The following TENM4 variants were observed in gnomAD, a reference collection of about 807,000 sequenced individuals.
The protein encoded by TENM4 is teneurin-4.
A neutral mutation model predicts 243.3 loss-of-function variants in TENM4; 82 were observed. That is an observed-to-expected ratio of 0.34 (90% CI 0.28 to 0.40). The LOEUF (loss-of-function observed/expected upper bound fraction) is 0.40. Among genes scored for constraint, TENM4 ranks in the 10% least tolerant of loss-of-function variants. The probability of loss-of-function intolerance (pLI) is 1.00; values close to 1 mark genes in which losing one functional copy is unlikely to be tolerated. For missense variants in TENM4, 3,138 were observed against 3,673.3 expected (o/e 0.85, Z 3.77); for synonymous variants, 1,412 against 1,456.3 (o/e 0.97, Z 0.69).
At chr11:79,238,516 C>T (rs1462882761) in intron 2 of TENM4, among the ~76,000 whole-genome samples, 1 of 152,164 alleles carries the variant, frequency 6.6e-6, no homozygotes, top group Non-Finnish European at 1.5e-5. Flanking sequence ...TTGACTCAAA[C>T]TGGGACATAT....
intron 4 of TENM4, among the ~76,000 whole-genome samples, chr11:79,088,106 G>T (rs1022928611): frequency 2.0e-4 from 31 of 152,232 alleles, no homozygotes; most frequent in African/African-American, 7.0e-4. Flanking sequence ...AAGACACTCT[G>T]CCTGTCACTC....
chr11:79,017,872 C>A (rs1046072589), intron 6 of TENM4, among the ~76,000 whole-genome samples: 1 of 152,188 alleles, frequency 6.6e-6, no homozygotes, highest in Non-Finnish European at 1.5e-5. Flanking sequence ...TAATGCTCTA[C>A]TGTCACTGTC....
rs375148621 is a variant in TENM4 at position 78,658,324 on chromosome 11, T to C, written c.8044A>G (p.Thr2682Ala). ...ALCLNTRYGT[T>A]LDEEKARVLE... is the part of the protein sequence containing the mutation. Reference sequence around the variant, plus strand: ...ACCCGTGCCTTCTCCTCATCCAACGTTGTCCCGTAGCGTGTGTTCAAGCAC... The same window carrying C: ...ACCCGTGCCTTCTCCTCATCCAACGCTGTCCCGTAGCGTGTGTTCAAGCAC... The change falls in exon 34 of 34, where the codon ACG (threonine) becomes GCG (alanine). Residue 2682 changes from threonine (T) to alanine (A), a missense_variant. Around this residue, in one of 2 missense-constraint regions of TENM4, gnomAD observed 2,467 missense variants for 3,059.1 expected, o/e 0.81. Coordinates refer to ENST00000278550, the MANE Select transcript of TENM4 (RefSeq NM_001098816.3). 1.1e-5 allele frequency: 18 copies of C among 1,613,444 alleles called. No individual in the cohort carries two copies. The highest frequency in any genetic ancestry group is 1.4e-5 in the Non-Finnish European group (16 of 1,179,626).
intron 1 of TENM4, among the ~76,000 whole-genome samples, chr11:79,423,126 A>G (rs1858970846): frequency 2.6e-5 from 4 of 152,284 alleles, no homozygotes; most frequent in Non-Finnish European, 2.9e-5. Flanking sequence ...TGTCATCCAG[A>G]AAGACTATGC....
intron 3 of TENM4, among the ~76,000 whole-genome samples, chr11:79,200,692 A>G (rs1423620762): frequency 6.6e-6 from 1 of 152,228 alleles, no homozygotes; most frequent in African/African-American, 2.4e-5. Flanking sequence ...TTCTAGGCTG[A>G]TCGTTCTTGA....
At position 78,653,187 on chromosome 11, in the gene TENM4, T is replaced by C. The variant is rs1451110964; in HGVS notation, c.*4871A>G. 6.6e-6 allele frequency: 1 copy of C among 152,174 alleles called. No homozygotes were observed. The highest frequency in any genetic ancestry group is 1.5e-5 in the Non-Finnish European group (1 of 68,042). The allele number at this position is 152,174 out of a possible 1,614,324, so 9.4% of individuals were successfully genotyped here. On this transcript the variant is annotated 3_prime_UTR_variant, in exon 34 of 34. Coordinates refer to ENST00000278550, the MANE Select transcript of TENM4 (RefSeq NM_001098816.3). ...TGAGTCCTCTCCCAGGTCATCCTGA[T>C]AGCAGCCAGCAGGGAAGTGCAAACC...
intron 1 of TENM4, among the ~76,000 whole-genome samples, chr11:79,426,683 T>A (rs140884916): frequency 3.9e-5 from 6 of 152,282 alleles, no homozygotes; most frequent in Non-Finnish European, 8.8e-5. Flanking sequence ...GAGTCAAAGA[T>A]GACTCCAAAA....
At chr11:78,687,346 T>G (rs1015044244) in intron 29 of TENM4, among the ~76,000 whole-genome samples, 1 of 152,190 alleles carries the variant, frequency 6.6e-6, no homozygotes, top group African/African-American at 2.4e-5. Flanking sequence ...GAGGCTCCTT[T>G]CACTGCTTCG....
chr11:78,717,058 G>A (rs1859536814), intron 25 of TENM4, among the ~76,000 whole-genome samples: 1 of 152,220 alleles, frequency 6.6e-6, no homozygotes, highest in Non-Finnish European at 1.5e-5. Flanking sequence ...GCTGGACACA[G>A]AGTAAGATCA....
intron 28 of TENM4, 58 bp downstream of exon 28, chr11:78,701,468 C>A: frequency 1.3e-6 from 2 of 1,499,240 alleles, no homozygotes; most frequent in South Asian, 2.7e-5. Context: ...AATTTACCTC[C>A]AATCCTACAA....
At chr11:79,200,975 T>C (rs1292855746) in intron 3 of TENM4, among the ~76,000 whole-genome samples, 1 of 152,204 alleles carries the variant, frequency 6.6e-6, no homozygotes, top group Non-Finnish European at 1.5e-5. Context: ...ACTATTATAA[T>C]TATGCCCCAC....
chr11:79,024,055 GT>G (rs1327008707), intron 6 of TENM4, among the ~76,000 whole-genome samples: 8 of 152,252 alleles, frequency 5.3e-5, no homozygotes, highest in Non-Finnish European at 7.3e-5. Flanking sequence ...GATCTATGAG[GT>G]TTGTAAGTTT....
intron 6 of TENM4, among the ~76,000 whole-genome samples, chr11:79,002,027 C>T (rs961728268): frequency 6.6e-6 from 1 of 152,154 alleles, no homozygotes; most frequent in African/African-American, 2.4e-5. Context: ...CTGGCTTCCC[C>T]ACCCCCACCA....
Position 79,324,559 on chromosome 11 carries a change from T to A in TENM4, c.-320-27016A>T, listed in dbSNP as rs561234396. ...TTTCAAATATTTTTTGATCCACAGT[T>A]GGCTGAGGAACCCATGGATGCATGG... On this transcript the variant is annotated intron_variant, in intron 1 of 33. Coordinates refer to ENST00000278550, the MANE Select transcript of TENM4 (RefSeq NM_001098816.3). 9.9e-5 allele frequency among the ~76,000 whole-genome samples: 15 copies of A among 152,120 alleles called. No individual in the cohort carries two copies. The South Asian group carries it at 1.0e-3, about 11-fold the overall frequency.
intron 30 of TENM4, among the ~76,000 whole-genome samples, chr11:78,674,579 C>A (rs1490148348): frequency 6.6e-6 from 1 of 152,216 alleles, no homozygotes; most frequent in Non-Finnish European, 1.5e-5. Flanking sequence ...CTCAAGGCTC[C>A]ACATGGCACA....
At chr11:79,264,430 G>C (rs2135331800) in intron 2 of TENM4, among the ~76,000 whole-genome samples, 1 of 152,314 alleles carries the variant, frequency 6.6e-6, no homozygotes, top group East Asian at 1.9e-4. Flanking sequence ...AATCTTCCCA[G>C]AGTGGTAAAC....
At chr11:79,013,236 C>T (rs1858694229) in intron 6 of TENM4, among the ~76,000 whole-genome samples, 1 of 152,162 alleles carries the variant, frequency 6.6e-6, no homozygotes, top group African/African-American at 2.4e-5. Flanking sequence ...AGCCACCAGA[C>T]TATCCTCCAC....
At chr11:79,164,308 TATAGATATACTAGTATATATAGTATATAG>T (rs1251968154) in intron 3 of TENM4, among the ~76,000 whole-genome samples, 5 of 126,652 alleles carry the variant, frequency 3.9e-5, no homozygotes, top group African/African-American at 1.7e-4. Context: ...ATATATAGTA[TATAGATATACTAGTATATATAGTATATAG>T]ATATACTATA....
At chr11:79,385,663 A>T (rs1858096369) in intron 1 of TENM4, among the ~76,000 whole-genome samples, 1 of 152,220 alleles carries the variant, frequency 6.6e-6, no homozygotes, top group Non-Finnish European at 1.5e-5. Flanking sequence ...GCTTTACTTT[A>T]CAGCTATAGA....
Sources: gnomAD v4.1 joint callset for allele counts (sites outside exome capture counted in the v4.1 genomes callset) on GRCh38, gnomAD v4.1.1 for gene constraint, gnomAD v4.1.1 regional missense constraint, MANE v1.5 for transcripts, NCBI Gene and HGNC (gene_info 2026-07-23, HGNC 2026-07-21) for gene names.